ODAD3: variants seen among roughly 807,000 people sequenced by gnomAD.
ODAD3 encodes the protein outer dynein arm-docking complex subunit 3.
In ODAD3, 57 loss-of-function variants were observed where a neutral mutation model predicts 70.9. The observed-to-expected ratio is 0.80, with a 90% CI of 0.65 to 1.00. ODAD3 has a LOEUF of 1.00. Among genes scored for constraint, ODAD3 ranks in the 50% least tolerant of loss-of-function variants. The probability of loss-of-function intolerance (pLI) is 0.00; values close to 1 mark genes in which losing one functional copy is unlikely to be tolerated. For synonymous variants in ODAD3, 327 were observed against 315.9 expected (o/e 1.04, Z -0.37); for missense variants, 797 against 763.9 (o/e 1.04, Z -0.51).
upstream of ODAD3, chr19:11,435,353 C>G (rs1969655339): frequency 2.0e-6 from 1 of 507,390 alleles, no homozygotes; most frequent in South Asian, 2.1e-5. Context: ...GTTTCCCTAC[C>G]TCCCCCAACC....
chr19:11,422,871 ACCCAGCC>A lies in ODAD3; in HGVS notation c.1117-17_1117-11del, dbSNP rs1468827677. Reference sequence around the variant, plus strand: ...ACCGCCGCACCAACGACTGCGGGCCACCCAGCCCCAGTCAGAGCCAGGGCCTAGGGAG... The same window carrying A: ...ACCGCCGCACCAACGACTGCGGGCCACCAGTCAGAGCCAGGGCCTAGGGAG... On this transcript the variant is annotated splice_polypyrimidine_tract_variant and intron_variant, in intron 8 of 12. Coordinates refer to ENST00000356392, the MANE Select transcript of ODAD3 (RefSeq NM_145045.5). This position sits in a 1 kb window ranked among gnomAD's most constrained non-coding sequence, Gnocchi z 4.6. The A allele has an allele frequency of 6.2e-7, 1 of 1,600,382 alleles. No individual in the cohort carries two copies. The highest frequency in any genetic ancestry group is 1.1e-5 in the South Asian group (1 of 90,964).
At position 11,430,779 on chromosome 19, in the gene ODAD3, G is replaced by A. The variant is rs769369689; in HGVS notation, c.367-3C>T. The A allele has an allele frequency of 6.2e-7, 1 of 1,614,054 alleles. No individual in the cohort carries two copies. Among genetic ancestry groups the A allele is most frequent in the South Asian group, 1.1e-5 (1 of 91,084 alleles). On this transcript the variant is annotated splice_polypyrimidine_tract_variant and splice_region_variant and intron_variant, in intron 2 of 12. Transcript: ENST00000356392. ...GCCTGGACCACTTTCTCATCTCCCT[G>A]CAAGGAGGGAAGTCCAGTCACCTTT... is the stretch of plus-strand genomic sequence containing the variant.
At chr19:11,432,518 T>A (rs1969524048) in intron 1 of ODAD3, among the ~76,000 whole-genome samples, 1 of 152,180 alleles carries the variant, frequency 6.6e-6, no homozygotes, top group Non-Finnish European at 1.5e-5. Flanking sequence ...AGTGCTGGGA[T>A]TACAGGTATG....
chr19:11,426,114 T>A (rs1969365405), intron 7 of ODAD3, 30 bp downstream of exon 7: 1 of 1,594,076 alleles, frequency 6.3e-7, no homozygotes, highest in Non-Finnish European at 8.5e-7. Context: ...TGGGCTGGAG[T>A]CACAGGCGCG....
At position 11,421,182 on chromosome 19, in the gene ODAD3, C is replaced by A. The variant is rs576881590; in HGVS notation, c.1621G>T (p.Glu541Ter). 1 of 1,613,514 alleles carries A rather than the reference C, an allele frequency of 6.2e-7. No individual in the cohort carries two copies. The highest frequency in any genetic ancestry group is 8.5e-7 in the Non-Finnish European group (1 of 1,179,916). Residue 541 changes from glutamate (E) to a stop codon, truncating the protein, a stop_gained, in exon 12 of 13, where the codon GAA (glutamate) becomes TAA (stop). Transcript: ENST00000356392. LOFTEE classifies it high-confidence loss of function. ...GGCAGGGCGATGCGGGTGTTGTATT[C>A]GGGCAGCCTTCCCTCTAAGCTGGCG... is the stretch of plus-strand genomic sequence containing the variant. ...FLASLEGRLP[E>*]YNTRIALPLA...
At chr19:11,421,055 G>T in intron 12 of ODAD3, 73 bp downstream of exon 12, 1 of 1,580,684 alleles carries the variant, frequency 6.3e-7, no homozygotes. Flanking sequence ...GCCCTGAACA[G>T]GGTATCTGAC....
intron 7 of ODAD3, among the ~76,000 whole-genome samples, chr19:11,424,414 A>T (rs1177125000): frequency 6.6e-6 from 1 of 151,500 alleles, no homozygotes; most frequent in African/African-American, 2.4e-5. Context: ...AGGTGAGAGG[A>T]TCACTTGAGC....
Position 11,420,760 on chromosome 19 carries a change from C to A in ODAD3, c.*75G>T. 2 of 1,364,308 alleles carry A rather than the reference C, an allele frequency of 1.5e-6. No homozygotes were observed. Among genetic ancestry groups the A allele is most frequent in the Non-Finnish European group, 2.1e-6 (2 of 961,312 alleles). 84.5% of individuals were successfully genotyped at this position (1,364,308 alleles called of 1,614,324 possible). On this transcript the variant is annotated 3_prime_UTR_variant, in exon 13 of 13. Coordinates refer to ENST00000356392, the MANE Select transcript of ODAD3 (RefSeq NM_145045.5). ...GGGCCGCGTTCAGCCCCTGAAGGGGCCCCGTGGGGCCTGCGCTAGACCCGG... is the reference window on the plus strand; with the variant it reads ...GGGCCGCGTTCAGCCCCTGAAGGGGACCCGTGGGGCCTGCGCTAGACCCGG...
intron 10 of ODAD3, 144 bp from the exon 11 acceptor site, chr19:11,421,976 G>A: frequency 1.2e-6 from 1 of 861,402 alleles, no homozygotes; most frequent in Non-Finnish European, 1.7e-6. Context: ...TGGGGGCGGG[G>A]ACTTAGGTCA....
At chr19:11,425,218 T>TGTGTAC (rs1969288644) in intron 7 of ODAD3, among the ~76,000 whole-genome samples, 4 of 124,794 alleles carry the variant, frequency 3.2e-5, no homozygotes, top group Non-Finnish European at 6.3e-5. Context: ...CATATGTGTA[T>TGTGTAC]ATATGTGTGT....
At chr19:11,431,178 C>T in intron 1 of ODAD3, 158 bp from the exon 2 acceptor site, 1 of 886,328 alleles carries the variant, frequency 1.1e-6, no homozygotes. Flanking sequence ...ATGGTGCAAT[C>T]TCGGCTCACC....
At chr19:11,424,218 G>A (rs1342275060) in intron 7 of ODAD3, among the ~76,000 whole-genome samples, 189 bp from the exon 8 acceptor site, 4 of 152,158 alleles carry the variant, frequency 2.6e-5, no homozygotes, top group African/African-American at 2.4e-5. Context: ...AAGGTCGGGC[G>A]CGGGGGCGGT....
At chr19:11,421,861 G>T (rs1207213502) in intron 10 of ODAD3, 29 bp from the exon 11 acceptor site, 1 of 1,599,140 alleles carries the variant, frequency 6.3e-7, no homozygotes, top group African/African-American at 1.3e-5. Flanking sequence ...CGGGTCAGCC[G>T]AGAGGGGTGG....
rs1248500995 is a variant in ODAD3, at chr19:11,434,896, C to A, written c.121G>T (p.Gly41Cys). 6.2e-7 allele frequency: 1 copy of A among 1,614,198 alleles called. No individual in the cohort carries two copies. Among genetic ancestry groups the A allele is most frequent in the South Asian group, 1.1e-5 (1 of 91,088 alleles). Residue 41 changes from glycine (G) to cysteine (C), a missense_variant, in exon 1 of 13, where the codon GGC (glycine) becomes TGC (cysteine). Transcript: ENST00000356392. ...EASGKPSHLR[G>C]KGTAQAWTPG... ...GTCCACGCCTGGGCTGTGCCCTTGC[C>A]TCGGAGGTGGCTGGGTTTGCCCGAA...
In ODAD3 at chr19:11,422,715, C is replaced by G; in HGVS notation, c.1263G>C (p.Glu421Asp). The change falls in exon 9 of 13, where the codon GAG (glutamate) becomes GAC (aspartate). Residue 421 changes from glutamate to aspartate, a missense_variant. Coordinates refer to ENST00000356392, the MANE Select transcript of ODAD3 (RefSeq NM_145045.5). This position sits in a 1 kb window ranked among gnomAD's most constrained non-coding sequence, Gnocchi z 4.6. ...RELEDLKYSG[E>D]ATLVSQQKLQ... ...CGGTGCCTCACCTCACCAGCGTGGC[C>G]TCCCCCGAGTACTTGAGGTCTTCCA... is the stretch of plus-strand genomic sequence containing the variant. 6.2e-7 allele frequency: 1 copy of G among 1,612,674 alleles called. No individual in the cohort carries two copies. The highest frequency in any genetic ancestry group is 8.5e-7 in the Non-Finnish European group (1 of 1,179,860).
At chr19:11,425,347 A>ATGTGTATGTGTACATATGTG (rs1969308999) in intron 7 of ODAD3, among the ~76,000 whole-genome samples, 7 of 132,954 alleles carry the variant, frequency 5.3e-5, no homozygotes, top group African/African-American at 2.2e-4. Context: ...ATATATGTAT[A>ATGTGTATGTGTACATATGTG]TATGTGTATA....
intron 3 of ODAD3, among the ~76,000 whole-genome samples, chr19:11,427,969 A>G (rs1227643196): frequency 2.6e-5 from 4 of 151,720 alleles, no homozygotes; most frequent in Non-Finnish European, 2.9e-5. Context: ...GCATGGTGGC[A>G]GGCGCCTGTA....
At chr19:11,423,838 G>C (rs765278531) in intron 8 of ODAD3, 39 bp downstream of exon 8, 3 of 1,363,974 alleles carry the variant, frequency 2.2e-6, no homozygotes, top group African/African-American at 1.6e-5. Flanking sequence ...TCTGGGGTGG[G>C]GGGGGGGCGC....
intron 6 of ODAD3, 80 bp from the exon 7 acceptor site, chr19:11,426,346 G>A (rs1273099312): frequency 1.9e-6 from 3 of 1,606,862 alleles, no homozygotes; most frequent in Non-Finnish European, 1.7e-6. Flanking sequence ...ATAGATGGGG[G>A]CGGGGGCGTA....
Sources: allele counts gnomAD v4.1 joint callset (sites outside exome capture counted in the v4.1 genomes callset), GRCh38; gene constraint gnomAD v4.1.1; non-coding constraint Gnocchi (gnomAD v3.1); transcripts MANE v1.5; gene names NCBI Gene and HGNC (gene_info 2026-07-23, HGNC 2026-07-21).